Variants in SCAPER observed in about 807,000 individuals in gnomAD.
SCAPER encodes the protein S-phase cyclin A associated protein in the ER, also known as S phase cyclin A-associated protein in the endoplasmic reticulum.
A neutral mutation model predicts 182.2 loss-of-function variants in SCAPER; 98 were observed. The observed-to-expected ratio is 0.54, with a 90% confidence interval of 0.46 to 0.64. The LOEUF (loss-of-function observed/expected upper bound fraction) is 0.64. Ranked by LOEUF, SCAPER falls within the 30% of genes least tolerant of loss-of-function variation. The pLI, the probability that SCAPER is intolerant of heterozygous loss-of-function variation, is 0.00. For missense variants in SCAPER, 1,432 were observed against 1,690.0 expected, an observed-to-expected ratio of 0.85 and a Z score of 2.68; for synonymous variants, 605 against 564.6, an observed-to-expected ratio of 1.07 and a Z score of -1.01.
intron 23 of SCAPER, among the ~76,000 whole-genome samples, chr15:76,513,657 G>A (rs546554438): frequency 6.6e-6 from 1 of 152,172 alleles, no homozygotes; most frequent in South Asian, 2.1e-4. Context: ...CTTATACAGT[G>A]CTCTGATTAC....
chr15:76,548,889 G>A (rs1597334471), intron 23 of SCAPER, among the ~76,000 whole-genome samples: 1 of 152,150 alleles, frequency 6.6e-6, no homozygotes, highest in Non-Finnish European at 1.5e-5. Flanking sequence ...GCATGGGCAA[G>A]GACTTCATGT....
At chr15:76,652,333 T>C (rs12442762) in intron 21 of SCAPER, among the ~76,000 whole-genome samples, 516 of 15,064 alleles carry the variant, frequency 0.034, 17 homozygotes, top group African/African-American at 0.055. Context: ...CACACACACA[T>C]ACACATATAT....
At chr15:76,712,084 G>A (rs2059615074) in intron 17 of SCAPER, among the ~76,000 whole-genome samples, 1 of 152,172 alleles carries the variant, frequency 6.6e-6, no homozygotes, top group African/African-American at 2.4e-5. Flanking sequence ...TGATATTTAA[G>A]TCCTTAATCC....
intron 21 of SCAPER, among the ~76,000 whole-genome samples, chr15:76,630,982 T>C (rs1258498042): frequency 1.3e-5 from 2 of 152,242 alleles, no homozygotes; most frequent in African/African-American, 4.8e-5. Flanking sequence ...GGTACTCCTA[T>C]ACTGGGTGTA....
chr15:76,676,618 A>G (rs2057383458), intron 20 of SCAPER, among the ~76,000 whole-genome samples: 1 of 152,120 alleles, frequency 6.6e-6, no homozygotes, highest in Admixed American at 6.6e-5. Context: ...AAATATCAGC[A>G]GTAAGAAATT....
chr15:76,726,600 G>A (rs1469949828), intron 17 of SCAPER, among the ~76,000 whole-genome samples: 1 of 151,932 alleles, frequency 6.6e-6, no homozygotes. Flanking sequence ...AACTCAAGTT[G>A]CTTCAACAAA....
intron 5 of SCAPER, among the ~76,000 whole-genome samples, chr15:76,841,210 A>G (rs1471150035): frequency 6.6e-6 from 1 of 151,548 alleles, no homozygotes; most frequent in Non-Finnish European, 1.5e-5. Flanking sequence ...ATAATTAGGT[A>G]ATGCCAAAAA....
At chr15:76,781,202 A>G (rs2064109983) in intron 8 of SCAPER, among the ~76,000 whole-genome samples, 1 of 152,230 alleles carries the variant, frequency 6.6e-6, no homozygotes, top group Non-Finnish European at 1.5e-5. Context: ...AAATGACCTG[A>G]TAGAACTGAA....
chr15:76,403,413 A>G (rs2044607627), intron 27 of SCAPER, among the ~76,000 whole-genome samples: 1 of 152,206 alleles, frequency 6.6e-6, no homozygotes, highest in Admixed American at 6.5e-5. Context: ...ACTTCTCTAG[A>G]CAGTCTTAAT....
At chr15:76,403,974 A>T (rs1197349769) in intron 27 of SCAPER, among the ~76,000 whole-genome samples, 1 of 152,202 alleles carries the variant, frequency 6.6e-6, no homozygotes, top group African/African-American at 2.4e-5. Context: ...GGCCAGTAGT[A>T]GTCCCTGGCA....
chr15:76,584,057 G>C (rs2048455196), intron 22 of SCAPER, among the ~76,000 whole-genome samples: 1 of 152,118 alleles, frequency 6.6e-6, no homozygotes, highest in South Asian at 2.1e-4. Context: ...AAAAAATGTA[G>C]TATATGTACA....
chr15:76,649,489 C>T (rs2054835346), intron 21 of SCAPER, among the ~76,000 whole-genome samples: 1 of 151,158 alleles, frequency 6.6e-6, no homozygotes, highest in Non-Finnish European at 1.5e-5. Flanking sequence ...GAAAACCATA[C>T]CAAGGCACAT....
intron 5 of SCAPER, among the ~76,000 whole-genome samples, chr15:76,814,410 C>A (rs568112609): frequency 6.6e-6 from 1 of 152,210 alleles, no homozygotes; most frequent in Admixed American, 6.5e-5. Flanking sequence ...TACAGACAGA[C>A]ATGAAGACCA....
intron 20 of SCAPER, among the ~76,000 whole-genome samples, chr15:76,688,577 A>C (rs539657152): frequency 3.3e-5 from 5 of 152,192 alleles, no homozygotes; most frequent in African/African-American, 9.6e-5. Flanking sequence ...CTTATTTTTA[A>C]GTCTTTAATT....
intron 14 of SCAPER, among the ~76,000 whole-genome samples, chr15:76,756,717 T>G (rs73443746): frequency 0.019 from 2,829 of 152,346 alleles, 93 homozygotes; most frequent in African/African-American, 0.063. Context: ...AGTACTCAGT[T>G]ATAAGAGTGA....
intron 14 of SCAPER, among the ~76,000 whole-genome samples, chr15:76,763,468 T>G (rs1289020878): frequency 6.6e-6 from 1 of 152,162 alleles, no homozygotes. Context: ...TGTAGACTTC[T>G]TTAACTGTTG....
chr15:76,377,174 G>A (rs771433519), intron 28 of SCAPER, among the ~76,000 whole-genome samples: 2 of 152,174 alleles, frequency 1.3e-5, no homozygotes, highest in Non-Finnish European at 2.9e-5. Flanking sequence ...GGTTGGATAC[G>A]TTGCACCTTG....
At chr15:76,867,555 T>G (rs1199735517) in intron 2 of SCAPER, among the ~76,000 whole-genome samples, 1 of 152,202 alleles carries the variant, frequency 6.6e-6, no homozygotes, top group Non-Finnish European at 1.5e-5. Context: ...ATGGCTAAAC[T>G]ATTATAAGGG....
At chr15:76,667,556 T>C in intron 20 of SCAPER, among the ~76,000 whole-genome samples, 1 of 136,958 alleles carries the variant, frequency 7.3e-6, no homozygotes, top group Non-Finnish European at 1.5e-5. Context: ...AACCAGGAGG[T>C]GGAGGTTGCA....
Sources: gnomAD v4.1 joint callset for allele counts (sites outside exome capture counted in the v4.1 genomes callset) on GRCh38, gnomAD v4.1.1 for gene constraint, MANE v1.5 for transcripts, NCBI Gene and HGNC (gene_info 2026-07-23, HGNC 2026-07-21) for gene names.